Variants in GLIS3 observed in about 807,000 individuals in gnomAD.
GLIS3 encodes the protein zinc finger protein GLIS3.
GLIS3 carries 53 observed loss-of-function variants against 78.6 expected under a neutral mutation model. The observed-to-expected ratio is 0.67, with a 90% CI of 0.54 to 0.85. The LOEUF (loss-of-function observed/expected upper bound fraction) is 0.85. Among genes scored for constraint, GLIS3 ranks in the 40% least tolerant of loss-of-function variants. The pLI, the probability that GLIS3 is intolerant of heterozygous loss-of-function variation, is 0.00. For synonymous variants in GLIS3, 684 were observed against 509.9 expected, an observed-to-expected ratio of 1.34 and a Z score of -4.60; for missense variants, 1,703 against 1,231.1, an observed-to-expected ratio of 1.38 and a Z score of -5.74.
chr9:4,402,886 G>A, the GLIS3 span, among the ~76,000 whole-genome samples: 1 of 151,956 alleles, frequency 6.6e-6, no homozygotes, highest in Non-Finnish European at 1.5e-5. Context: ...TAGAAATAGG[G>A]GTAGAAAATT....
chr9:4,457,582 T>A, the GLIS3 span, among the ~76,000 whole-genome samples: 1 of 151,910 alleles, frequency 6.6e-6, no homozygotes, highest in East Asian at 1.9e-4. Context: ...GCGTGGTGGC[T>A]CACATCTGTA....
chr9:4,266,230 G>A (rs185945336), intron 2 of GLIS3, among the ~76,000 whole-genome samples: 16 of 151,878 alleles, frequency 1.1e-4, no homozygotes, highest in African/African-American at 3.6e-4. Context: ...CACTCACCCT[G>A]CTTCTTAACT....
intron 4 of GLIS3, among the ~76,000 whole-genome samples, chr9:4,010,564 G>C (rs772427088): frequency 3.3e-5 from 5 of 152,086 alleles, no homozygotes; most frequent in African/African-American, 7.2e-5. Flanking sequence ...GGTAATAGCA[G>C]GCAGGACCGT....
intron 2 of GLIS3, among the ~76,000 whole-genome samples, chr9:4,328,942 T>G (rs1250568274): frequency 6.6e-6 from 1 of 152,122 alleles, no homozygotes; most frequent in African/African-American, 2.4e-5. Context: ...TCCCTAATAG[T>G]TTCTCATAAG....
At chr9:3,986,135 T>G (rs1439225861) in intron 4 of GLIS3, among the ~76,000 whole-genome samples, 1 of 152,242 alleles carries the variant, frequency 6.6e-6, no homozygotes, top group Non-Finnish European at 1.5e-5. Flanking sequence ...TTAGAGCCAC[T>G]GGGTTTGGTG....
At chr9:4,125,056 T>C (rs1189390978) in intron 3 of GLIS3, among the ~76,000 whole-genome samples, 2 of 152,220 alleles carry the variant, frequency 1.3e-5, no homozygotes, top group African/African-American at 4.8e-5. Context: ...TTCTATTCAA[T>C]TCCCTCCCTT....
At chr9:4,053,053 T>G (rs1015864706) in intron 4 of GLIS3, among the ~76,000 whole-genome samples, 1 of 152,180 alleles carries the variant, frequency 6.6e-6, no homozygotes, top group Admixed American at 6.6e-5. Context: ...GTTCAAGCAA[T>G]TCTCCTGCCT....
At chr9:4,365,273 T>C in the GLIS3 span, among the ~76,000 whole-genome samples, 5 of 152,082 alleles carry the variant, frequency 3.3e-5, no homozygotes, top group South Asian at 1.0e-3. Context: ...ATTAGAAAGA[T>C]CAAATCAGGC....
intron 2 of GLIS3, among the ~76,000 whole-genome samples, chr9:4,234,142 G>C (rs999050221): frequency 6.6e-6 from 1 of 152,100 alleles, no homozygotes; most frequent in African/African-American, 2.4e-5. Flanking sequence ...AGGATATTTT[G>C]CTTCCATATC....
At chr9:4,107,980 G>C (rs893427758) in intron 4 of GLIS3, among the ~76,000 whole-genome samples, 2 of 152,100 alleles carry the variant, frequency 1.3e-5, no homozygotes, top group South Asian at 2.1e-4. Context: ...GTGCACATTT[G>C]AGGTCTACAG....
At chr9:4,145,127 C>T (rs142856488) in intron 2 of GLIS3, 20 of 152,362 alleles carry the variant, frequency 1.3e-4, no homozygotes, top group African/African-American at 4.8e-4. Context: ...TGATTTTAGA[C>T]TTGGGCTCTG....
At chr9:4,364,710 TTA>T in the GLIS3 span, among the ~76,000 whole-genome samples, 539 of 134,356 alleles carry the variant, frequency 4.0e-3, 6 homozygotes, top group African/African-American at 0.013. Context: ...TTATTACACT[TTA>T]TATATATATA....
chr9:4,256,679 A>C (rs2129951883), intron 2 of GLIS3, among the ~76,000 whole-genome samples: 1 of 152,362 alleles, frequency 6.6e-6, no homozygotes, highest in African/African-American at 2.4e-5. Context: ...AATTCACTTT[A>C]TTGTAGACAA....
At chr9:4,054,903 G>A (rs532553105) in intron 4 of GLIS3, among the ~76,000 whole-genome samples, 5 of 152,154 alleles carry the variant, frequency 3.3e-5, no homozygotes, top group Non-Finnish European at 7.3e-5. Flanking sequence ...TTAAAAGGAA[G>A]ATATTGGTCC....
At chr9:4,245,310 G>A (rs1316663813) in intron 2 of GLIS3, among the ~76,000 whole-genome samples, 1 of 152,152 alleles carries the variant, frequency 6.6e-6, no homozygotes, top group Non-Finnish European at 1.5e-5. Context: ...TTCCACACGG[G>A]ATCAAGTGTT....
At chr9:4,469,246 G>A in the GLIS3 span, among the ~76,000 whole-genome samples, 2 of 152,052 alleles carry the variant, frequency 1.3e-5, no homozygotes, top group Admixed American at 6.6e-5. Context: ...AAGTTAACAA[G>A]GATATCCAGG....
At chr9:3,905,778 C>A (rs1277030534) in intron 6 of GLIS3, among the ~76,000 whole-genome samples, 1 of 152,156 alleles carries the variant, frequency 6.6e-6, no homozygotes, top group Non-Finnish European at 1.5e-5. Flanking sequence ...GGATACCTCC[C>A]TTTACTCTTT....
chr9:4,384,306 T>G, the GLIS3 span, among the ~76,000 whole-genome samples: 1 of 151,656 alleles, frequency 6.6e-6, no homozygotes, highest in Admixed American at 6.6e-5. Flanking sequence ...ACTTTTTAGA[T>G]AATACTGTTC....
chr9:4,196,592 C>G (rs1818873676), intron 2 of GLIS3, among the ~76,000 whole-genome samples: 1 of 152,252 alleles, frequency 6.6e-6, no homozygotes, highest in South Asian at 2.1e-4. Context: ...GCCTTAAGAG[C>G]TGTAACACTC....
Sources: allele counts gnomAD v4.1 joint callset (sites outside exome capture counted in the v4.1 genomes callset), GRCh38; gene constraint gnomAD v4.1.1; transcripts MANE v1.5; gene names NCBI Gene and HGNC (gene_info 2026-07-23, HGNC 2026-07-21).